Variants in SPOCK3 observed in about 807,000 individuals in gnomAD.
The protein encoded by SPOCK3 is testican-3.
A neutral mutation model predicts 56.6 loss-of-function variants in SPOCK3; 30 were observed. That is an observed-to-expected ratio of 0.53 (90% CI 0.40 to 0.72). The LOEUF (loss-of-function observed/expected upper bound fraction) is 0.72. SPOCK3 is among the 30% of genes least tolerant of loss of function. SPOCK3 has a pLI of 0.00. For synonymous variants in SPOCK3, 196 were observed against 183.3 expected (o/e 1.07, Z -0.56); for missense variants, 527 against 530.0 (o/e 0.99, Z 0.06).
intron 6 of SPOCK3, among the ~76,000 whole-genome samples, chr4:166,792,938 T>C (rs1741509380): frequency 6.6e-6 from 1 of 152,190 alleles, no homozygotes; most frequent in Non-Finnish European, 1.5e-5. Flanking sequence ...TCTTTGTTTT[T>C]TAAAGATATC....
intron 7 of SPOCK3, among the ~76,000 whole-genome samples, chr4:166,773,163 T>A (rs1211991271): frequency 6.6e-6 from 1 of 152,176 alleles, no homozygotes. Context: ...TATAAGGGTC[T>A]CCTCTATTCA....
chr4:167,173,783 T>C (rs1001683006), intron 2 of SPOCK3, among the ~76,000 whole-genome samples: 1 of 152,052 alleles, frequency 6.6e-6, no homozygotes, highest in African/African-American at 2.4e-5. Context: ...AGGAGGAGGA[T>C]GACTAGCAAG....
At chr4:167,164,320 G>C (rs1363897877) in intron 2 of SPOCK3, among the ~76,000 whole-genome samples, 1 of 151,922 alleles carries the variant, frequency 6.6e-6, no homozygotes, top group Non-Finnish European at 1.5e-5. Flanking sequence ...ATATTACTCT[G>C]AAATTTAAAA....
intron 1 of SPOCK3, 92 bp downstream of exon 1, chr4:167,234,358 A>T (rs913631025): frequency 3.2e-6 from 2 of 622,010 alleles, no homozygotes; most frequent in Admixed American, 2.8e-5. Context: ...ACTCACACAC[A>T]CGCAGACCCA....
chr4:166,903,004 G>C (rs1019534791), intron 5 of SPOCK3, among the ~76,000 whole-genome samples: 2 of 149,404 alleles, frequency 1.3e-5, no homozygotes, highest in African/African-American at 4.9e-5. Context: ...TCTTGCTGTT[G>C]GCATTGTTCA....
At chr4:166,985,833 C>A (rs1246287178) in intron 4 of SPOCK3, among the ~76,000 whole-genome samples, 1 of 152,072 alleles carries the variant, frequency 6.6e-6, no homozygotes, top group East Asian at 1.9e-4. Context: ...TAGAAAATTG[C>A]AATCATACAA....
rs553505659 is a variant in SPOCK3 at position 167,015,797 on chromosome 4, T to G, written c.236-15334A>C. Among the ~76,000 whole-genome samples, 3 of 152,274 alleles carry G rather than the reference T, an allele frequency of 2.0e-5. No homozygotes were observed. The South Asian group carries it at 6.2e-4, about 32-fold the overall frequency. On this transcript the variant is annotated intron_variant, in intron 3 of 10. Coordinates refer to ENST00000357545, the MANE Select transcript of SPOCK3 (RefSeq NM_001040159.2). The stretch of plus-strand genomic sequence containing the variant: ...GAGTGGTTTCTGACACTCATAGCCC[T>G]TTCGGTAACCTTATTTTGTTAGACA...
intron 2 of SPOCK3, among the ~76,000 whole-genome samples, chr4:167,223,218 T>C (rs1291608655): frequency 1.4e-5 from 2 of 138,242 alleles, no homozygotes; most frequent in African/African-American, 2.7e-5. Flanking sequence ...TATATGTGAA[T>C]ATATAATATA....
At chr4:167,231,260 T>C (rs749235951) in intron 2 of SPOCK3, among the ~76,000 whole-genome samples, 1 of 152,012 alleles carries the variant, frequency 6.6e-6, no homozygotes, top group Non-Finnish European at 1.5e-5. Context: ...AGTTCAAACT[T>C]TCATTAAGGA....
chr4:167,165,411 A>G (rs1363808552), intron 2 of SPOCK3, among the ~76,000 whole-genome samples: 1 of 152,154 alleles, frequency 6.6e-6, no homozygotes, highest in Non-Finnish European at 1.5e-5. Flanking sequence ...ATAAACAGAC[A>G]CTTCTCAAAA....
chr4:166,839,063 G>C (rs533069159), intron 6 of SPOCK3, among the ~76,000 whole-genome samples: 5 of 152,200 alleles, frequency 3.3e-5, no homozygotes, highest in African/African-American at 1.2e-4. Flanking sequence ...CCTGGTTGTT[G>C]GAATGATGAG....
At chr4:167,227,729 G>C (rs1323846943) in intron 2 of SPOCK3, among the ~76,000 whole-genome samples, 1 of 152,062 alleles carries the variant, frequency 6.6e-6, no homozygotes, top group Non-Finnish European at 1.5e-5. Context: ...TTAAAAATAA[G>C]TACATAAAAT....
intron 4 of SPOCK3, among the ~76,000 whole-genome samples, chr4:166,951,903 C>A (rs890204736): frequency 6.6e-6 from 1 of 152,122 alleles, no homozygotes; most frequent in African/African-American, 2.4e-5. Flanking sequence ...TAAAAACTCT[C>A]AAAAAATTAG....
intron 8 of SPOCK3, among the ~76,000 whole-genome samples, chr4:166,752,983 T>C (rs951476452): frequency 1.8e-5 from 1 of 54,956 alleles, no homozygotes; most frequent in Non-Finnish European, 4.5e-5. Context: ...AAATTAACAC[T>C]TTGGGAGAAT....
chr4:166,920,660 G>T (rs1488217165), intron 4 of SPOCK3, among the ~76,000 whole-genome samples: 1 of 152,072 alleles, frequency 6.6e-6, no homozygotes, highest in African/African-American at 2.4e-5. Flanking sequence ...TTTAAAAATA[G>T]CAGTGACAGA....
chr4:166,908,715 G>A (rs186479970), intron 5 of SPOCK3, among the ~76,000 whole-genome samples: 207 of 152,060 alleles, frequency 1.4e-3, no homozygotes, highest in Non-Finnish European at 1.6e-3. Context: ...AAGTCTAAAA[G>A]GTTAATATTA....
chr4:167,091,811 C>A (rs1041282355), intron 2 of SPOCK3, among the ~76,000 whole-genome samples: 9 of 152,056 alleles, frequency 5.9e-5, no homozygotes, highest in Non-Finnish European at 1.3e-4. Context: ...GTCCTATGAA[C>A]AATAATTTAT....
chr4:167,214,883 T>A (rs139779580), intron 2 of SPOCK3, among the ~76,000 whole-genome samples: 1,631 of 152,116 alleles, frequency 0.011, 26 homozygotes, highest in African/African-American at 0.031. Flanking sequence ...CAGCCTACTG[T>A]TGACATTTTC....
At position 167,229,426 on chromosome 4, in the gene SPOCK3, A is replaced by G. The variant is rs576788085; in HGVS notation, c.189+4559T>C. On this transcript the variant is annotated intron_variant, in intron 2 of 10. Transcript: ENST00000357545. ...ATTTTAATGGCCTGTAGAGCCATAG[A>G]ATACTTTATTTGGAGTAGACATAGA... 1.9e-3 allele frequency among the ~76,000 whole-genome samples: 283 copies of G among 152,222 alleles called. 2 individuals carry two copies. Among genetic ancestry groups the G allele is most frequent in the African/African-American group, 6.4e-3 (267 of 41,552 alleles).
Sources: allele counts gnomAD v4.1 joint callset (sites outside exome capture counted in the v4.1 genomes callset), GRCh38; gene constraint gnomAD v4.1.1; transcripts MANE v1.5; gene names NCBI Gene and HGNC (gene_info 2026-07-23, HGNC 2026-07-21).